PALMD: variants seen among roughly 807,000 people sequenced by gnomAD.
PALMD encodes palmdelphin, also known as paralemmin-like protein.
PALMD carries 42 observed loss-of-function variants against 56.2 expected under a neutral mutation model. That is an observed-to-expected ratio of 0.75 (90% confidence interval 0.58 to 0.97). The LOEUF is 0.97. PALMD is among the 50% of genes least tolerant of loss of function. PALMD has a pLI of 0.00. For synonymous variants in PALMD, 242 were observed against 222.9 expected (o/e 1.09, Z -0.76); for missense variants, 660 against 643.8 (o/e 1.03, Z -0.27).
rs1652865540 is a variant in PALMD, at chr1:99,662,373, G to A, written c.100G>A (p.Asp34Asn). 2.5e-6 allele frequency: 4 copies of A among 1,571,048 alleles called. No individual in the cohort carries two copies. In the East Asian group the frequency reaches 9.0e-5, roughly 35 times the overall value. Residue 34 changes from aspartate (D) to asparagine (N), a missense_variant, in exon 2 of 8, where the codon GAC becomes AAC. Asp to Asn is a conservative substitution (Grantham distance 23, BLOSUM62 1). Coordinates refer to ENST00000263174, the MANE Select transcript of PALMD (RefSeq NM_017734.5). Reference sequence around the variant, plus strand: ...ACAGAAGCGTCTGAAAATAGAGGAAGACAAACTAAAGCACCAGCATTTGAA... The same window carrying A: ...ACAGAAGCGTCTGAAAATAGAGGAAAACAAACTAAAGCACCAGCATTTGAA... The part of the protein sequence containing the change: ...ISQKRLKIEE[D>N]KLKHQHLKKK...
Position 99,686,690 on chromosome 1 carries a change from T to A in PALMD, c.266T>A (p.Ile89Asn). The change falls in exon 4 of 8, where the codon ATC (isoleucine) becomes AAC (asparagine). Residue 89 changes from isoleucine to asparagine, a missense_variant. Coordinates refer to ENST00000263174, the MANE Select transcript of PALMD (RefSeq NM_017734.5). The part of the protein sequence containing the change: ...EQSILRLEKE[I>N]QDLEKAELQI... ...TTTGTTGTCAGGCTTGAGAAAGAGATCCAAGATCTTGAAAAAGCTGAACTG... is the reference window on the plus strand; with the variant it reads ...TTTGTTGTCAGGCTTGAGAAAGAGAACCAAGATCTTGAAAAAGCTGAACTG... 6.3e-7 allele frequency: 1 copy of A among 1,588,232 alleles called. No individual in the cohort carries two copies. Among genetic ancestry groups the A allele is most frequent in the Non-Finnish European group, 8.6e-7 (1 of 1,159,988 alleles).
chr1:99,667,846 C>A, intron 3 of PALMD, 80 bp downstream of exon 3: 5 of 1,213,998 alleles, frequency 4.1e-6, no homozygotes, highest in Non-Finnish European at 5.9e-6. Context: ...GCCATTCTCA[C>A]TTTCAGGGGC....
intron 3 of PALMD, among the ~76,000 whole-genome samples, chr1:99,681,198 G>A (rs778141442): frequency 3.4e-4 from 51 of 151,738 alleles, no homozygotes; most frequent in Non-Finnish European, 6.5e-4. Context: ...CTAACCCGCT[G>A]AGCAGAAAAA....
At chr1:99,649,128 G>C (rs1345424133) in intron 1 of PALMD, among the ~76,000 whole-genome samples, 2 of 152,106 alleles carry the variant, frequency 1.3e-5, no homozygotes, top group Admixed American at 1.3e-4. Context: ...ACCAAATATA[G>C]ATTCTATTTT....
intron 1 of PALMD, among the ~76,000 whole-genome samples, chr1:99,650,626 C>T (rs1053140431): frequency 3.3e-5 from 5 of 152,126 alleles, no homozygotes; most frequent in African/African-American, 1.2e-4. Context: ...AAAGCAAGAC[C>T]TGCTGTGTGA....
At chr1:99,668,795 A>G (rs983389794) in intron 3 of PALMD, 1 of 152,208 alleles carries the variant, frequency 6.6e-6, no homozygotes. Flanking sequence ...AAAAAACTGG[A>G]AAGCTCAAAT....
chr1:99,661,938 C>T (rs974797855), intron 1 of PALMD, among the ~76,000 whole-genome samples: 1 of 152,168 alleles, frequency 6.6e-6, no homozygotes, highest in Non-Finnish European at 1.5e-5. Flanking sequence ...GCTTCTTCAA[C>T]CTTGGACCAG....
Position 99,657,719 on chromosome 1 carries a change from G to A in PALMD, c.46-4600G>A, listed in dbSNP as rs138187583. Among the ~76,000 whole-genome samples the A allele has an allele frequency of 3.7e-3, 566 of 152,168 alleles. 2 individuals are homozygous for A. Among genetic ancestry groups the A allele is most frequent in the African/African-American group, 0.013 (541 of 41,510 alleles). On this transcript the variant is annotated intron_variant, in intron 1 of 7. Transcript: ENST00000263174. ...AGCTACTGAAAATCTATCCTCACCT[G>A]GTTGTTCTTAACTTCCTGCCACTCC... is the stretch of plus-strand genomic sequence containing the variant.
intron 3 of PALMD, among the ~76,000 whole-genome samples, chr1:99,683,101 A>G (rs1052038662): frequency 2.7e-5 from 2 of 73,694 alleles, no homozygotes; most frequent in Non-Finnish European, 2.7e-5. Context: ...AAAGAAAGAA[A>G]GAAAGAAAGA....
chr1:99,663,553 CCTCT>C lies in PALMD; in HGVS notation c.126+1166_126+1169del, dbSNP rs148984335. Among the ~76,000 whole-genome samples the C allele has an allele frequency of 4.0e-5, 6 of 150,842 alleles. No individual in the cohort carries two copies. In the East Asian group the frequency reaches 7.7e-4, roughly 19 times the overall value. ...AACCAGAGGTCATTTGCTCTCCTTT[CCTCT>C]CTCTCTCTCTCACACACACACACTT... On this transcript the variant is annotated intron_variant, in intron 2 of 7. Transcript: ENST00000263174.
intron 1 of PALMD, among the ~76,000 whole-genome samples, chr1:99,653,056 A>T (rs923699597): frequency 6.6e-6 from 1 of 152,104 alleles, no homozygotes; most frequent in Admixed American, 6.6e-5. Context: ...CACTTCCTTT[A>T]CGTAGCCTCT....
At chr1:99,692,734 G>A (rs891554018) in intron 7 of PALMD, among the ~76,000 whole-genome samples, 1 of 152,180 alleles carries the variant, frequency 6.6e-6, no homozygotes, top group African/African-American at 2.4e-5. Flanking sequence ...GTTGGTAGGG[G>A]CAAGATAGAG....
intron 1 of PALMD, among the ~76,000 whole-genome samples, chr1:99,657,482 C>T (rs549815880): frequency 6.6e-6 from 1 of 152,178 alleles, no homozygotes; most frequent in South Asian, 2.1e-4. Flanking sequence ...CTTGTTCAAG[C>T]TCTCATGGCC....
At chr1:99,673,654 T>C (rs1653138745) in intron 3 of PALMD, among the ~76,000 whole-genome samples, 1 of 152,234 alleles carries the variant, frequency 6.6e-6, no homozygotes, top group African/African-American at 2.4e-5. Flanking sequence ...ATAGTTCATC[T>C]GTTGTTGTTT....
At chr1:99,682,817 T>C (rs12068929) in intron 3 of PALMD, among the ~76,000 whole-genome samples, 9,791 of 151,222 alleles carry the variant, frequency 0.065, 590 homozygotes, top group African/African-American at 0.17. Context: ...ACCAGCCTGG[T>C]CAACATGGTG....
In PALMD at chr1:99,689,637, G is replaced by T. The variant is rs35317701; in HGVS notation, c.1377G>T (p.Glu459Asp). Residue 459 changes from glutamate (E) to aspartate (D), a missense_variant, in exon 7 of 8, where the codon GAG (glutamate) becomes GAT (aspartate). Glu to Asp is a conservative substitution (Grantham distance 45). Transcript: ENST00000263174. ...AGGAGGAGGATGAAGGAGAAGCAGA[G>T]AAACCGTCCTACCACCCCATAGCTC... ...DEEEEDEGEA[E>D]KPSYHPIAPH... 8,229 of 1,613,616 alleles carry T rather than the reference G, an allele frequency of 5.1e-3. 339 individuals are homozygous for T. The African/African-American group carries it at 0.091, about 18-fold the overall frequency.
At chr1:99,646,688 T>C (rs534995569) in intron 1 of PALMD, among the ~76,000 whole-genome samples, 1 of 152,370 alleles carries the variant, frequency 6.6e-6, no homozygotes, top group African/African-American at 2.4e-5. Context: ...AAATGTCCAT[T>C]TGACTGGCAT....
chr1:99,668,131 C>T (rs996131064), intron 3 of PALMD: 2 of 171,096 alleles, frequency 1.2e-5, no homozygotes, highest in East Asian at 1.5e-4. Context: ...GCACCTGCCT[C>T]GGCCTCCCGA....
At chr1:99,690,928 A>C (rs1414063144) in intron 7 of PALMD, among the ~76,000 whole-genome samples, 1 of 152,150 alleles carries the variant, frequency 6.6e-6, no homozygotes, top group East Asian at 1.9e-4. Context: ...CTTCCTCTAC[A>C]ACCCATAAGC....
Sources: gnomAD v4.1 joint callset for allele counts (sites outside exome capture counted in the v4.1 genomes callset) on GRCh38, gnomAD v4.1.1 for gene constraint, MANE v1.5 for transcripts, NCBI Gene and HGNC (gene_info 2026-07-23, HGNC 2026-07-21) for gene names.